The following ACOT7 variants were observed in gnomAD, a reference collection of about 807,000 sequenced individuals.
ACOT7 encodes the protein cytosolic acyl coenzyme A thioester hydrolase.
A neutral mutation model predicts 40.2 loss-of-function variants in ACOT7; 12 were observed. The ratio of observed to expected loss-of-function variants is 0.30; its 90% confidence interval spans 0.19 to 0.48. The LOEUF (loss-of-function observed/expected upper bound fraction) is 0.48. ACOT7 is among the 20% of genes least tolerant of loss of function. The pLI, the probability that ACOT7 is intolerant of heterozygous loss-of-function variation, is 0.99. For synonymous variants in ACOT7, 228 were observed against 219.5 expected, an observed-to-expected ratio of 1.04 and a Z score of -0.34; for missense variants, 395 against 530.8, an observed-to-expected ratio of 0.74 and a Z score of 2.51.
At chr1:6,300,664 C>T (rs969561162) in intron 6 of ACOT7, among the ~76,000 whole-genome samples, 15 of 146,400 alleles carry the variant, frequency 1.0e-4, no homozygotes, top group Admixed American at 4.1e-4. Context: ...AGAATCTCAC[C>T]GGACCCCACC....
rs201187410 is a variant in ACOT7 at position 6,294,932 on chromosome 1, C to T, written c.761G>A (p.Arg254His). The change falls in exon 7 of 9, where the codon CGC becomes CAC. Residue 254 changes from arginine (R) to histidine (H), a missense_variant. Arg to His is a conservative substitution (Grantham distance 29). Coordinates refer to ENST00000361521, the MANE Select transcript of ACOT7 (RefSeq NM_007274.4). The surrounding 1 kb of genome is among the most constrained non-coding windows in gnomAD (Gnocchi z 4.6). ...MDEVAGIVAARHCKTNIVTAS... is the reference protein window; with the variant it reads ...MDEVAGIVAAHHCKTNIVTAS... ...TGTGACGATGTTGGTCTTGCAGTGG[C>T]GTGCAGCCACGATCCCGGCGACCTC... 8.1e-6 allele frequency: 13 copies of T among 1,614,074 alleles called. No individual in the cohort carries two copies. Among genetic ancestry groups the T allele is most frequent in the African/African-American group, 1.3e-5 (1 of 75,058 alleles).
At chr1:6,370,457 GTATTATTATTAT>G (rs34962967) in intron 1 of ACOT7, among the ~76,000 whole-genome samples, 4,794 of 140,768 alleles carry the variant, frequency 0.034, 194 homozygotes, top group African/African-American at 0.099. Context: ...AGCAGTGTTA[GTATTATTATTAT>G]TATTATTATT....
intron 4 of ACOT7, 78 bp downstream of exon 4, chr1:6,333,399 A>G (rs1641013524): frequency 1.3e-6 from 2 of 1,529,104 alleles, no homozygotes; most frequent in African/African-American, 2.7e-5. Flanking sequence ...CCTTAGCTGA[A>G]CGAGCCTCCC....
In ACOT7 at chr1:6,274,601, A is replaced by T. The variant is rs1287738284; in HGVS notation, c.1014+6501T>A. On this transcript the variant is annotated intron_variant, in intron 8 of 8. Coordinates refer to ENST00000361521, the MANE Select transcript of ACOT7 (RefSeq NM_007274.4). This position sits in a 1 kb window ranked among gnomAD's most constrained non-coding sequence, Gnocchi z 5.9. Reference sequence around the variant, plus strand: ...AGAAGCGAGGTGGGCACCATGTTCCAGAGCCTTCTGAAAGTTGTGTGGGTC... The same window carrying T: ...AGAAGCGAGGTGGGCACCATGTTCCTGAGCCTTCTGAAAGTTGTGTGGGTC... 6.6e-6 allele frequency among the ~76,000 whole-genome samples: 1 copy of T among 152,248 alleles called. No homozygotes were observed. Among genetic ancestry groups the T allele is most frequent in the Non-Finnish European group, 1.5e-5 (1 of 68,036 alleles).
chr1:6,376,727 C>CAAAAAA (rs74829338), intron 1 of ACOT7, among the ~76,000 whole-genome samples: 1 of 94,666 alleles, frequency 1.1e-5, no homozygotes. Flanking sequence ...AACTCCATCC[C>CAAAAAA]AAAAAAAAAA....
chr1:6,320,572 G>C (rs183204996), intron 5 of ACOT7, among the ~76,000 whole-genome samples: 2 of 152,146 alleles, frequency 1.3e-5, no homozygotes, highest in African/African-American at 4.8e-5. Flanking sequence ...GGACAGAGTC[G>C]GGGGAGGCTC....
chr1:6,309,781 C>G (rs1006858959), intron 6 of ACOT7, among the ~76,000 whole-genome samples: 1 of 152,138 alleles, frequency 6.6e-6, no homozygotes, highest in African/African-American at 2.4e-5. Context: ...TTTGTAAACG[C>G]TCCCCTGGAT....
intron 1 of ACOT7, among the ~76,000 whole-genome samples, chr1:6,357,169 G>A (rs1226262133): frequency 6.6e-6 from 1 of 152,016 alleles, no homozygotes; most frequent in South Asian, 2.1e-4. Flanking sequence ...CCCAAGAAGC[G>A]AAGTTTGTGG....
intron 7 of ACOT7, among the ~76,000 whole-genome samples, chr1:6,286,221 A>G (rs547768522): frequency 6.6e-6 from 1 of 152,340 alleles, no homozygotes; most frequent in African/African-American, 2.4e-5. Flanking sequence ...GGGTGGGACC[A>G]GCTTGAGGTG....
At chr1:6,328,127 C>T (rs1472848529) in intron 4 of ACOT7, among the ~76,000 whole-genome samples, 1 of 152,110 alleles carries the variant, frequency 6.6e-6, no homozygotes, top group Non-Finnish European at 1.5e-5. Context: ...AATCATTTTG[C>T]ACTGTCCCAT....
chr1:6,367,164 A>G (rs935615965), intron 1 of ACOT7, among the ~76,000 whole-genome samples: 1 of 148,760 alleles, frequency 6.7e-6, no homozygotes, highest in Non-Finnish European at 1.5e-5. Context: ...GCACCACTGC[A>G]CTCCAGCCTG....
intron 2 of ACOT7, among the ~76,000 whole-genome samples, chr1:6,348,889 T>A (rs1641509322): frequency 1.3e-5 from 2 of 152,264 alleles, no homozygotes; most frequent in East Asian, 3.9e-4. Context: ...AGAGTGGCAT[T>A]ATGCCCGTGC....
rs1399589735 is a variant in ACOT7 at position 6,289,289 on chromosome 1, G to A, written c.829+5575C>T. On this transcript the variant is annotated intron_variant, in intron 7 of 8. Coordinates refer to ENST00000361521, the MANE Select transcript of ACOT7 (RefSeq NM_007274.4). This position sits in a 1 kb window ranked among gnomAD's most constrained non-coding sequence, Gnocchi z 4.6. Reference sequence around the variant, plus strand: ...TAATTTTTGTATTTTTAGTAGAGACGGGGTTTCACCATGTTGGCCAGGCTG... The same window carrying A: ...TAATTTTTGTATTTTTAGTAGAGACAGGGTTTCACCATGTTGGCCAGGCTG... 5.3e-5 allele frequency among the ~76,000 whole-genome samples: 8 copies of A among 152,092 alleles called. No individual in the cohort carries two copies. The highest frequency in any genetic ancestry group is 1.9e-4 in the East Asian group (1 of 5,176).
chr1:6,364,434 G>A (rs533655496), intron 1 of ACOT7, among the ~76,000 whole-genome samples: 12 of 151,988 alleles, frequency 7.9e-5, no homozygotes, highest in East Asian at 3.9e-4. Flanking sequence ...CCAGCTACTC[G>A]GGAGGCTGAG....
chr1:6,390,847 A>C lies in ACOT7; in HGVS notation c.143+2410T>G, dbSNP rs1183574267. On this transcript the variant is annotated intron_variant, in intron 1 of 8. Transcript: ENST00000361521. ...GCAACTCAGGAGGCTGAGGTGGAAG[A>C]ATCGCTTGAACCCAGGAGGCAGAGG... Among the ~76,000 whole-genome samples the C allele has an allele frequency of 2.0e-5, 3 of 152,058 alleles. No individual in the cohort carries two copies. In the East Asian group the frequency reaches 5.8e-4, roughly 29 times the overall value.
In ACOT7 at chr1:6,274,133, G is replaced by A. The variant is rs1454866549; in HGVS notation, c.1014+6969C>T. ...GTCAGGCAGGTCCTGGGGGTGGGGAGCAGCAGGCACCATCATGGAAAGCTT... is the reference window on the plus strand; with the variant it reads ...GTCAGGCAGGTCCTGGGGGTGGGGAACAGCAGGCACCATCATGGAAAGCTT... On this transcript the variant is annotated intron_variant, in intron 8 of 8. Coordinates refer to ENST00000361521, the MANE Select transcript of ACOT7 (RefSeq NM_007274.4). The surrounding 1 kb of genome is among the most constrained non-coding windows in gnomAD (Gnocchi z 5.9). Among the ~76,000 whole-genome samples the A allele has an allele frequency of 6.6e-6, 1 of 152,196 alleles. No homozygotes were observed. The highest frequency in any genetic ancestry group is 1.5e-5 in the Non-Finnish European group (1 of 68,026).
intron 1 of ACOT7, among the ~76,000 whole-genome samples, chr1:6,365,120 G>C (rs975782631): frequency 2.6e-5 from 4 of 152,170 alleles, no homozygotes; most frequent in African/African-American, 7.2e-5. Flanking sequence ...GACAAAAAGA[G>C]AACTGTGCAA....
rs550056043 is a variant in ACOT7 at position 6,361,432 on chromosome 1, T to C, written c.144-11566A>G. On this transcript the variant is annotated intron_variant, in intron 1 of 8. Transcript: ENST00000361521. Reference sequence around the variant, plus strand: ...GTGGCTGCACAGCCTTGTGAATCCATTAAGGTTCACGCAGAATTGTACAAT... The same window carrying C: ...GTGGCTGCACAGCCTTGTGAATCCACTAAGGTTCACGCAGAATTGTACAAT... Among the ~76,000 whole-genome samples the C allele has an allele frequency of 2.0e-5, 3 of 152,256 alleles. No homozygotes were observed. In the East Asian group the frequency reaches 5.8e-4, roughly 29 times the overall value.
intron 1 of ACOT7, chr1:6,360,785 A>G (rs1571342637): frequency 1.3e-6 from 2 of 1,499,188 alleles, no homozygotes; most frequent in East Asian, 4.8e-5. Flanking sequence ...CTGCCTCCCT[A>G]AGCAACCCTT....
Sources: gnomAD v4.1 joint callset for allele counts (sites outside exome capture counted in the v4.1 genomes callset) on GRCh38, gnomAD v4.1.1 for gene constraint, Gnocchi (gnomAD v3.1) non-coding constraint, MANE v1.5 for transcripts, NCBI Gene and HGNC (gene_info 2026-07-23, HGNC 2026-07-21) for gene names.